Variants in MRTFB observed in about 807,000 individuals in gnomAD.
The protein encoded by MRTFB is myocardin related transcription factor B.
In MRTFB, 29 loss-of-function variants were observed where a neutral mutation model predicts 104.2. The ratio of observed to expected loss-of-function variants is 0.28; its 90% CI spans 0.21 to 0.38. MRTFB has a LOEUF of 0.38. Ranked by LOEUF, MRTFB falls within the 10% of genes least tolerant of loss-of-function variation. The pLI, the probability that MRTFB is intolerant of heterozygous loss-of-function variation, is 1.00. For synonymous variants in MRTFB, 535 were observed against 519.5 expected (o/e 1.03, Z -0.41); for missense variants, 1,270 against 1,341.6 (o/e 0.95, Z 0.83).
At chr16:14,223,443 C>G (rs184854626) in intron 8 of MRTFB, among the ~76,000 whole-genome samples, 68 of 152,072 alleles carry the variant, frequency 4.5e-4, no homozygotes, top group Middle Eastern at 3.4e-3. Flanking sequence ...TAAATATACT[C>G]AAAAACTAAA....
Position 14,182,318 on chromosome 16 carries a change from TA to T in MRTFB, c.155-27924del, listed in dbSNP as rs1237769952. ...AGCCACAGCAGTGGCAGTGGTGATG[TA>T]TACAGGGTGTCCATGAGTGGAGTGG... On this transcript the variant is annotated intron_variant, in intron 3 of 16. Coordinates refer to ENST00000571589, the MANE Select transcript of MRTFB (RefSeq NM_001308142.2). 3.3e-5 allele frequency among the ~76,000 whole-genome samples: 5 copies of T among 152,220 alleles called. No individual in the cohort carries two copies. The East Asian group carries it at 9.6e-4, about 29-fold the overall frequency.
intron 2 of MRTFB, among the ~76,000 whole-genome samples, chr16:14,127,069 T>C (rs1272211084): frequency 6.6e-6 from 1 of 152,226 alleles, no homozygotes; most frequent in African/African-American, 2.4e-5. Flanking sequence ...CTTAGGGGGT[T>C]AACTAACTTG....
chr16:14,248,887 T>C lies in MRTFB; in HGVS notation c.2248-39T>C, dbSNP rs148905136. 462 of 1,604,142 alleles carry C rather than the reference T, an allele frequency of 2.9e-4. 2 individuals carry two copies. In the African/African-American group the frequency reaches 5.1e-3, roughly 18 times the overall value. Reference sequence around the variant, plus strand: ...AAGTTCTGATTTCTAACTTTGATTCTGACAATTAAATTGATGTTTTTTTCA... The same window carrying C: ...AAGTTCTGATTTCTAACTTTGATTCCGACAATTAAATTGATGTTTTTTTCA... On this transcript the variant is annotated intron_variant, in intron 12 of 16. Transcript: ENST00000571589.
the MRTFB span, among the ~76,000 whole-genome samples, chr16:14,034,607 TC>T: frequency 8.7e-6 from 1 of 114,612 alleles, no homozygotes; most frequent in Admixed American, 1.0e-4. Flanking sequence ...AGAGTGAAAC[TC>T]CATCTCACAA....
intron 7 of MRTFB, among the ~76,000 whole-genome samples, chr16:14,218,060 T>C (rs1305678332): frequency 6.6e-6 from 1 of 152,066 alleles, no homozygotes; most frequent in South Asian, 2.1e-4. Context: ...TTTTTTTGTT[T>C]GTTTGTTTTT....
intron 3 of MRTFB, among the ~76,000 whole-genome samples, chr16:14,208,550 A>G (rs1377395624): frequency 6.6e-6 from 1 of 152,212 alleles, no homozygotes; most frequent in Non-Finnish European, 1.5e-5. Context: ...TTCCAGAAGT[A>G]TCAACCTTTG....
intron 15 of MRTFB, among the ~76,000 whole-genome samples, chr16:14,256,257 C>T (rs2043489943): frequency 7.2e-6 from 1 of 138,634 alleles, no homozygotes. Context: ...AAATAGTAAA[C>T]CCAAACTTAA....
At chr16:14,074,332 C>G (rs1016663545) in intron 1 of MRTFB, among the ~76,000 whole-genome samples, 50 of 152,132 alleles carry the variant, frequency 3.3e-4, no homozygotes, top group African/African-American at 1.1e-3. Flanking sequence ...TTTTTAAAAT[C>G]AGAACTTTAA....
At chr16:14,060,470 G>T in the MRTFB span, among the ~76,000 whole-genome samples, 1 of 152,010 alleles carries the variant, frequency 6.6e-6, no homozygotes, top group South Asian at 2.1e-4. Context: ...CATTTCGCAG[G>T]TTTCAGGTCT....
intron 2 of MRTFB, among the ~76,000 whole-genome samples, chr16:14,102,574 A>G (rs2035760381): frequency 6.6e-6 from 1 of 152,214 alleles, no homozygotes; most frequent in Admixed American, 6.5e-5. Flanking sequence ...AGTAAATTCA[A>G]CTCACCCACC....
At chr16:14,252,696 G>A (rs552698587) in intron 15 of MRTFB, among the ~76,000 whole-genome samples, 194 bp downstream of exon 15, 46 of 152,272 alleles carry the variant, frequency 3.0e-4, no homozygotes, top group African/African-American at 1.1e-3. Context: ...GCTTTCAGCA[G>A]CAGTATAACT....
chr16:14,140,478 A>G lies in MRTFB; in HGVS notation c.-63-66A>G, dbSNP rs2037938635. 3.4e-6 allele frequency: 4 copies of G among 1,182,140 alleles called. No homozygotes were observed. In the East Asian group the frequency reaches 1.0e-4, roughly 30 times the overall value. The allele number at this position is 1,182,140 out of a possible 1,614,324, so 73.2% of individuals were successfully genotyped here. A position where few individuals can be genotyped will look rare whatever the true frequency, so the allele number is the denominator to read the frequency against. On this transcript the variant is annotated intron_variant, in intron 2 of 16. Coordinates refer to ENST00000571589, the MANE Select transcript of MRTFB (RefSeq NM_001308142.2). ...GACTAGAACCCAGGATTCCCGTTTT[A>G]ATACTTTTGTGCAAATTGGAGAAAC...
intron 8 of MRTFB, among the ~76,000 whole-genome samples, chr16:14,223,399 GC>G (rs1385911004): frequency 2.0e-5 from 3 of 152,030 alleles, no homozygotes; most frequent in Non-Finnish European, 4.4e-5. Context: ...ACACATATCT[GC>G]CCTACTGGAC....
chr16:14,224,545 A>C (rs1189882224), intron 8 of MRTFB, among the ~76,000 whole-genome samples: 1 of 152,200 alleles, frequency 6.6e-6, no homozygotes, highest in Non-Finnish European at 1.5e-5. Flanking sequence ...ATTATAATCA[A>C]CTGTCTAGAG....
intron 6 of MRTFB, among the ~76,000 whole-genome samples, chr16:14,215,667 G>C (rs909419029): frequency 6.6e-6 from 1 of 152,202 alleles, no homozygotes; most frequent in Non-Finnish European, 1.5e-5. Context: ...TTCTCCCCAA[G>C]TATCATCTTG....
Position 14,265,444 on chromosome 16 carries a change from C to T in MRTFB, c.*4000C>T, listed in dbSNP as rs1197725016. 1 of 152,190 alleles carries T rather than the reference C, an allele frequency of 6.6e-6. No homozygotes were observed. Among genetic ancestry groups the T allele is most frequent in the African/African-American group, 2.4e-5 (1 of 41,440 alleles). 9.4% of individuals were successfully genotyped at this position (152,190 alleles called of 1,614,324 possible). A position where few individuals can be genotyped will look rare whatever the true frequency, so the allele number is the denominator to read the frequency against. ...CATCAGTGTGTATCTGGAGAGCATC[C>T]TAACTGCATTTCAACTCATCTTTTA... On this transcript the variant is annotated 3_prime_UTR_variant, in exon 17 of 17. Transcript: ENST00000571589.
the MRTFB span, among the ~76,000 whole-genome samples, chr16:14,028,206 C>CAAAACAA: frequency 6.0e-5 from 9 of 151,196 alleles, no homozygotes; most frequent in African/African-American, 9.7e-5. Context: ...AAACACAACA[C>CAAAACAA]AACAAAACAA....
chr16:14,204,446 C>T (rs2040852525), intron 3 of MRTFB, among the ~76,000 whole-genome samples: 1 of 152,164 alleles, frequency 6.6e-6, no homozygotes, highest in Non-Finnish European at 1.5e-5. Flanking sequence ...ATCTAAACTA[C>T]CATATTGCTG....
At chr16:14,072,450 G>C (rs1362621444) in intron 1 of MRTFB, among the ~76,000 whole-genome samples, 1 of 152,108 alleles carries the variant, frequency 6.6e-6, no homozygotes, top group Non-Finnish European at 1.5e-5. Context: ...ATTTGTATTG[G>C]TTAAAAAAAA....
Sources: allele counts gnomAD v4.1 joint callset (sites outside exome capture counted in the v4.1 genomes callset), GRCh38; gene constraint gnomAD v4.1.1; transcripts MANE v1.5; gene names NCBI Gene and HGNC (gene_info 2026-07-23, HGNC 2026-07-21).